The following CR2 variants were observed in gnomAD, a reference collection of about 807,000 sequenced individuals.
CR2 encodes the protein complement C3d receptor 2, also known as complement receptor type 2.
In CR2, 96 loss-of-function variants were observed where a neutral mutation model predicts 123.0. That is an observed-to-expected ratio of 0.78 (90% CI 0.66 to 0.93). CR2 has a LOEUF of 0.93. Among genes scored for constraint, CR2 ranks in the 40% least tolerant of loss-of-function variants. The pLI is 0.00. For synonymous variants in CR2, 484 were observed against 469.5 expected, an observed-to-expected ratio of 1.03 and a Z score of -0.40; for missense variants, 1,258 against 1,361.0, an observed-to-expected ratio of 0.92 and a Z score of 1.19.
chr1:207,467,245 G>A (rs541635657), intron 2 of CR2, among the ~76,000 whole-genome samples: 12 of 152,202 alleles, frequency 7.9e-5, no homozygotes, highest in African/African-American at 1.9e-4. Flanking sequence ...CTGTGTTACT[G>A]TTAAAATGAG....
intron 10 of CR2, 21 bp downstream of exon 10, chr1:207,473,200 A>G (rs774435427): frequency 2.5e-6 from 4 of 1,609,026 alleles, no homozygotes. Context: ...AATAAGGGGG[A>G]AAAAAGGAGA....
rs1357626624 is a variant in CR2, at chr1:207,473,873, C to T, written c.2228C>T (p.Ser743Phe). 8.1e-6 allele frequency: 13 copies of T among 1,613,648 alleles called. No homozygotes were observed. Among genetic ancestry groups the T allele is most frequent in the Non-Finnish European group, 1.1e-5 (13 of 1,179,798 alleles). The part of the protein sequence containing the change: ...AGSRVELVNT[S>F]CQDGYQLTGH... ...TCACGTGTGGAGCTAGTTAATACGT[C>T]CTGCCAAGATGGGTGAGTATGAAGT... The change falls in exon 12 of 20, where the codon TCC becomes TTC. Residue 743 changes from serine (S) to phenylalanine (F), a missense_variant. By Grantham distance (155) the Ser-to-Phe change is radical. Transcript: ENST00000367057.
In CR2 at chr1:207,473,842, G is replaced by A. The variant is rs1308058556; in HGVS notation, c.2197G>A (p.Ala733Thr). The A allele has an allele frequency of 1.2e-6, 2 of 1,613,838 alleles. No homozygotes were observed. The highest frequency in any genetic ancestry group is 3.3e-5 in the Admixed American group (2 of 59,970). ...GAGACAGAGTCTTCAAGAACTTCCA[G>A]CTGGTTCACGTGTGGAGCTAGTTAA... ...HVRQSLQELP[A>T]GSRVELVNTS... Residue 733 changes from alanine to threonine, a missense_variant, in exon 12 of 20, where the codon GCT (alanine) becomes ACT (threonine). Physicochemically the swap from Ala to Thr is moderately conservative, Grantham distance 58. Coordinates refer to ENST00000367057, the MANE Select transcript of CR2 (RefSeq NM_001006658.3).
chr1:207,472,787 C>T lies in CR2; in HGVS notation c.1586C>T (p.Pro529Leu). Residue 529 changes from proline to leucine, a missense_variant, in exon 10 of 20, where the codon CCA becomes CTA. Physicochemically the swap from Pro to Leu is moderately conservative, Grantham distance 98. Coordinates refer to ENST00000367057, the MANE Select transcript of CR2 (RefSeq NM_001006658.3). The stretch of plus-strand genomic sequence containing the variant: ...ATCTCTCTAGAAATCACCTGCCCAC[C>T]ACCCCCTGTTATCTACAATGGGGCA... The part of the protein sequence containing the change: ...IRLCKEITCP[P>L]PPVIYNGAHT... 1.2e-6 allele frequency: 2 copies of T among 1,613,802 alleles called. No individual in the cohort carries two copies. Among genetic ancestry groups the T allele is most frequent in the Non-Finnish European group, 1.7e-6 (2 of 1,179,872 alleles).
At chr1:207,472,302 A>G (rs187898811) in intron 9 of CR2, among the ~76,000 whole-genome samples, 27 of 152,256 alleles carry the variant, frequency 1.8e-4, no homozygotes, top group African/African-American at 5.3e-4. Flanking sequence ...ACAGACTTCA[A>G]ATTATTCAAA....
intron 19 of CR2, 55 bp downstream of exon 19, chr1:207,485,627 T>G: frequency 1.7e-5 from 17 of 1,010,972 alleles, no homozygotes; most frequent in Non-Finnish European, 2.5e-5. Flanking sequence ...CTTCAACTTG[T>G]ATTTATCAAT....
rs1475907896 is a variant in CR2, at chr1:207,470,985, CTCTTT to C, written c.1403-7_1403-3del. On this transcript the variant is annotated splice_polypyrimidine_tract_variant and splice_region_variant and intron_variant, in intron 7 of 19. Transcript: ENST00000367057. ...CCTTGAATTAAATTCTCATCCTAGT[CTCTTT>C]TCTTAGTGGCAGCGTGTGAAGCTAC... is the stretch of plus-strand genomic sequence containing the variant. 3.7e-6 allele frequency: 6 copies of C among 1,613,802 alleles called. No individual in the cohort carries two copies. In the South Asian group the frequency reaches 6.6e-5, roughly 18 times the overall value.
At position 207,474,100 on chromosome 1, in the gene CR2, T is replaced by C. The variant is rs1373923059; in HGVS notation, c.2241-141T>C. The C allele has an allele frequency of 3.4e-6, 3 of 890,138 alleles. No homozygotes were observed. In the South Asian group the frequency reaches 4.3e-5, roughly 13 times the overall value. 55.1% of individuals were successfully genotyped at this position (890,138 alleles called of 1,614,324 possible). Reference sequence around the variant, plus strand: ...CTTAACTCAAAAGTAGTTTTTTTACTTGGAGTAAAAAAAAGTAGTTTTTTA... The same window carrying C: ...CTTAACTCAAAAGTAGTTTTTTTACCTGGAGTAAAAAAAAGTAGTTTTTTA... On this transcript the variant is annotated intron_variant, in intron 12 of 19. Coordinates refer to ENST00000367057, the MANE Select transcript of CR2 (RefSeq NM_001006658.3).
intron 1 of CR2, among the ~76,000 whole-genome samples, chr1:207,462,041 G>T (rs1278958525): frequency 1.3e-5 from 2 of 152,024 alleles, no homozygotes; most frequent in Non-Finnish European, 2.9e-5. Flanking sequence ...CTGTGTTAGG[G>T]TGAGGTTAGA....
In CR2 at chr1:207,469,219, G is replaced by T. The variant is rs1434518931; in HGVS notation, c.804G>T (p.Met268Ile). Residue 268 changes from methionine (M) to isoleucine (I), a missense_variant, in exon 5 of 20, where the codon ATG becomes ATT. Transcript: ENST00000367057. Reference sequence around the variant, plus strand: ...GACAGGGAGTTGCTTGGACCAAAATGCCAGTATGTGAAGGTAGGCTAGGCA... The same window carrying T: ...GACAGGGAGTTGCTTGGACCAAAATTCCAGTATGTGAAGGTAGGCTAGGCA... ...IAGQGVAWTK[M>I]PVCEEIFCPS... 1 of 1,613,722 alleles carries T rather than the reference G, an allele frequency of 6.2e-7. No individual in the cohort carries two copies. The highest frequency in any genetic ancestry group is 8.5e-7 in the Non-Finnish European group (1 of 1,179,690).
Position 207,469,676 on chromosome 1 carries a change from C to A in CR2, c.818-19C>A, listed in dbSNP as rs749429700. On this transcript the variant is annotated intron_variant, in intron 5 of 19. Coordinates refer to ENST00000367057, the MANE Select transcript of CR2 (RefSeq NM_001006658.3). ...CAATACACCTATGATCTTGTCATTT[C>A]TTTCTGCAATTCCCCTAGAAATTTT... is the stretch of plus-strand genomic sequence containing the variant. 1 of 1,611,578 alleles carries A rather than the reference C, an allele frequency of 6.2e-7. No homozygotes were observed. Among genetic ancestry groups the A allele is most frequent in the Non-Finnish European group, 8.5e-7 (1 of 1,177,852 alleles).
chr1:207,459,000 T>G (rs1224714696), intron 1 of CR2, among the ~76,000 whole-genome samples: 5 of 152,158 alleles, frequency 3.3e-5, no homozygotes, highest in Admixed American at 6.5e-5. Flanking sequence ...AATAGAACAT[T>G]GCAATGGGAA....
At chr1:207,482,851 T>C (rs909730080) in intron 18 of CR2, among the ~76,000 whole-genome samples, 1 of 151,956 alleles carries the variant, frequency 6.6e-6, no homozygotes, top group Non-Finnish European at 1.5e-5. Context: ...CTTTCCATCA[T>C]GTGTTGTGAG....
intron 9 of CR2, 36 bp from the exon 10 acceptor site, chr1:207,472,736 G>A (rs1455297858): frequency 5.6e-6 from 9 of 1,605,830 alleles, no homozygotes; most frequent in African/African-American, 1.3e-5. Flanking sequence ...GTCTAATACA[G>A]GAACTCAATT....
chr1:207,472,618 CA>C (rs1434262319), intron 9 of CR2, among the ~76,000 whole-genome samples, 153 bp from the exon 10 acceptor site: 4 of 152,176 alleles, frequency 2.6e-5, no homozygotes, highest in African/African-American at 9.7e-5. Context: ...TTGCATTTTA[CA>C]TACTTAATGA....
At position 207,466,654 on chromosome 1, in the gene CR2, CTATTATGCA is replaced by C; in HGVS notation, c.190_198del (p.Leu64_Ile66del). 6.2e-7 allele frequency: 1 copy of C among 1,614,038 alleles called. No individual in the cohort carries two copies. On this transcript the variant is annotated inframe_deletion, in exon 2 of 20. Coordinates refer to ENST00000367057, the MANE Select transcript of CR2 (RefSeq NM_001006658.3). The stretch of plus-strand genomic sequence containing the variant: ...CTTCCGCCTCATTGGAGAAAAAAGT[CTATTATGCA>C]TAACTAAAGACAAAGTGGATGGAAC...
In CR2 at chr1:207,470,776, A is replaced by C. The variant is rs752327442; in HGVS notation, c.1262A>C (p.Lys421Thr). ...CCTCCTAACATCCTCAATGGGCAAA[A>C]GGAAGATAGACACATGGTCCGCTTT... ...QAPPNILNGQKEDRHMVRFDP... is the reference protein window; with the variant it reads ...QAPPNILNGQTEDRHMVRFDP... Residue 421 changes from lysine to threonine, a missense_variant, in exon 7 of 20, where the codon AAG becomes ACG. Physicochemically the swap from Lys to Thr is moderately conservative, Grantham distance 78. Transcript: ENST00000367057. 2 of 1,613,882 alleles carry C rather than the reference A, an allele frequency of 1.2e-6. No individual in the cohort carries two copies. Among genetic ancestry groups the C allele is most frequent in the Non-Finnish European group, 8.5e-7 (1 of 1,179,846 alleles).
In CR2 at chr1:207,472,993, C is replaced by G; in HGVS notation, c.1792C>G (p.Leu598Val). The change falls in exon 10 of 20, where the codon CTT becomes GTT. Residue 598 changes from leucine to valine, a missense_variant. Physicochemically the swap from Leu to Val is conservative, Grantham distance 32. Coordinates refer to ENST00000367057, the MANE Select transcript of CR2 (RefSeq NM_001006658.3). The stretch of plus-strand genomic sequence containing the variant: ...TGCTCCCCTGTGTAAACTTTCCCTC[C>G]TTGCTGTCCAGTGCTCACATGTCCA... ...GPAPLCKLSLLAVQCSHVHIA... is the reference protein window; with the variant it reads ...GPAPLCKLSLVAVQCSHVHIA... The G allele has an allele frequency of 1.2e-6, 2 of 1,614,026 alleles. No individual in the cohort carries two copies. The highest frequency in any genetic ancestry group is 8.5e-7 in the Non-Finnish European group (1 of 1,179,950).
intron 19 of CR2, among the ~76,000 whole-genome samples, chr1:207,487,199 G>A (rs1658773353): frequency 6.6e-6 from 1 of 152,192 alleles, no homozygotes; most frequent in Non-Finnish European, 1.5e-5. Flanking sequence ...ATTTTAGGGA[G>A]GAGGGAGTGA....
Sources: gnomAD v4.1 joint callset for allele counts (sites outside exome capture counted in the v4.1 genomes callset) on GRCh38, gnomAD v4.1.1 for gene constraint, MANE v1.5 for transcripts, NCBI Gene and HGNC (gene_info 2026-07-23, HGNC 2026-07-21) for gene names.